ADAMTS19: variants seen among roughly 807,000 people sequenced by gnomAD.
ADAMTS19 encodes ADAM metallopeptidase with thrombospondin type 1 motif 19, also known as A disintegrin and metalloproteinase with thrombospondin motifs 19.
In ADAMTS19, 93 loss-of-function variants were observed where a neutral mutation model predicts 153.3. The ratio of observed to expected loss-of-function variants is 0.61; its 90% CI spans 0.51 to 0.72. ADAMTS19 has a LOEUF of 0.72. Ranked by LOEUF, ADAMTS19 falls within the 30% of genes least tolerant of loss-of-function variation. ADAMTS19 has a pLI of 0.00. For synonymous variants in ADAMTS19, 600 were observed against 556.6 expected (o/e 1.08, Z -1.10); for missense variants, 1,482 against 1,552.1 (o/e 0.95, Z 0.76).
intron 6 of ADAMTS19, among the ~76,000 whole-genome samples, chr5:129,536,497 A>G (rs538572311): frequency 6.6e-6 from 1 of 152,218 alleles, no homozygotes; most frequent in Non-Finnish European, 1.5e-5. Flanking sequence ...TGTGGAAGTC[A>G]GTGTGGCGAT....
intron 7 of ADAMTS19, among the ~76,000 whole-genome samples, chr5:129,560,732 A>ATAT (rs1297083190): frequency 1.3e-5 from 2 of 152,256 alleles, no homozygotes; most frequent in African/African-American, 4.8e-5. Flanking sequence ...ATTTTTATAC[A>ATAT]TACATATGTT....
intron 8 of ADAMTS19, among the ~76,000 whole-genome samples, chr5:129,619,028 A>T (rs577946926): frequency 1.3e-5 from 2 of 152,124 alleles, no homozygotes; most frequent in Non-Finnish European, 2.9e-5. Flanking sequence ...TGTTCACAGA[A>T]TCCTATGTTG....
At chr5:129,589,229 G>C (rs1383429481) in intron 7 of ADAMTS19, among the ~76,000 whole-genome samples, 1 of 151,100 alleles carries the variant, frequency 6.6e-6, no homozygotes, top group Non-Finnish European at 1.5e-5. Context: ...TTTTAATTGA[G>C]AATGTTTATG....
At chr5:129,528,006 A>G (rs1279424545) in intron 5 of ADAMTS19, among the ~76,000 whole-genome samples, 175 bp downstream of exon 5, 1 of 152,006 alleles carries the variant, frequency 6.6e-6, no homozygotes. Context: ...TCTTATTTAA[A>G]AAATAAGATG....
chr5:129,574,899 C>A (rs1432671640), intron 7 of ADAMTS19, among the ~76,000 whole-genome samples: 4 of 151,090 alleles, frequency 2.6e-5, no homozygotes, highest in African/African-American at 9.7e-5. Context: ...TGGCAATTTC[C>A]TCAATGTACA....
At chr5:129,568,362 TG>T (rs36095190) in intron 7 of ADAMTS19, among the ~76,000 whole-genome samples, 116,134 of 151,822 alleles carry the variant, frequency 0.76, 45,902 homozygotes, top group Non-Finnish European at 0.88. Flanking sequence ...CAGTAATACA[TG>T]GGGGGGGATA....
At chr5:129,684,490 C>G (rs1007454613) in intron 18 of ADAMTS19, among the ~76,000 whole-genome samples, 2 of 111,062 alleles carry the variant, frequency 1.8e-5, no homozygotes, top group Non-Finnish European at 4.0e-5. Flanking sequence ...CTCAATATGA[C>G]TACTCTTTGC....
chr5:129,462,338 A>C (rs971529844), intron 2 of ADAMTS19, among the ~76,000 whole-genome samples: 1 of 152,196 alleles, frequency 6.6e-6, no homozygotes, highest in African/African-American at 2.4e-5. Context: ...CTCAACTGAG[A>C]GACTGGAGGT....
intron 19 of ADAMTS19, among the ~76,000 whole-genome samples, chr5:129,697,625 A>C (rs1253121385): frequency 6.6e-6 from 1 of 152,222 alleles, no homozygotes; most frequent in Non-Finnish European, 1.5e-5. Context: ...GATACAGAGT[A>C]GTAATCAGGT....
chr5:129,463,138 C>A (rs144930009), intron 2 of ADAMTS19, among the ~76,000 whole-genome samples: 1 of 152,066 alleles, frequency 6.6e-6, no homozygotes, highest in Non-Finnish European at 1.5e-5. Context: ...CTGGGGAAAA[C>A]ATTTTGTGGA....
intron 2 of ADAMTS19, among the ~76,000 whole-genome samples, chr5:129,468,422 C>T (rs374104235): frequency 5.3e-5 from 8 of 152,104 alleles, no homozygotes; most frequent in African/African-American, 1.7e-4. Context: ...GGCACGATGT[C>T]GGCTCACTGC....
intron 2 of ADAMTS19, among the ~76,000 whole-genome samples, chr5:129,463,368 C>T (rs1395481057): frequency 1.3e-5 from 2 of 152,008 alleles, no homozygotes; most frequent in East Asian, 1.9e-4. Context: ...AGGTTGTGCA[C>T]GTGTACCCTA....
intron 7 of ADAMTS19, among the ~76,000 whole-genome samples, chr5:129,559,662 G>A (rs890645684): frequency 5.9e-5 from 9 of 152,100 alleles, no homozygotes; most frequent in Non-Finnish European, 1.3e-4. Context: ...ACACCTTAGA[G>A]AATCCTATAT....
intron 9 of ADAMTS19, among the ~76,000 whole-genome samples, chr5:129,621,723 A>G (rs1333235571): frequency 2.0e-5 from 3 of 152,204 alleles, no homozygotes; most frequent in African/African-American, 4.8e-5. Flanking sequence ...ACCACTTTAA[A>G]ATATATTACA....
At chr5:129,722,764 A>G (rs1356233192) in intron 21 of ADAMTS19, among the ~76,000 whole-genome samples, 1 of 152,184 alleles carries the variant, frequency 6.6e-6, no homozygotes, top group African/African-American at 2.4e-5. Flanking sequence ...AAGTAATACA[A>G]TTTCAGGAGT....
Position 129,620,604 on chromosome 5 carries a change from A to G in ADAMTS19, c.1479-14A>G. 3.3e-6 allele frequency: 5 copies of G among 1,532,890 alleles called. No individual in the cohort carries two copies. Among genetic ancestry groups the G allele is most frequent in the African/African-American group, 2.8e-5 (2 of 71,758 alleles). 95.0% of individuals were successfully genotyped at this position (1,532,890 alleles called of 1,614,324 possible). On this transcript the variant is annotated splice_polypyrimidine_tract_variant and intron_variant, in intron 8 of 22. Transcript: ENST00000274487. ...TTAGTGTAAATTTTAAAATTTTATT[A>G]TATTCCAAATCAGCATGGGCATTAA... is the stretch of plus-strand genomic sequence containing the variant.
intron 4 of ADAMTS19, 54 bp downstream of exon 4, chr5:129,526,510 A>C: frequency 6.8e-7 from 1 of 1,481,426 alleles, no homozygotes; most frequent in Non-Finnish European, 9.1e-7. Flanking sequence ...TCTAAGGAAG[A>C]CATGTGTGAG....
chr5:129,536,859 T>C (rs1003999038), intron 6 of ADAMTS19, among the ~76,000 whole-genome samples: 1 of 143,600 alleles, frequency 7.0e-6, no homozygotes, highest in Non-Finnish European at 1.5e-5. Flanking sequence ...AATTGAACAA[T>C]GAGAACACAT....
chr5:129,635,691 A>G (rs1752503677), intron 10 of ADAMTS19, among the ~76,000 whole-genome samples: 1 of 152,120 alleles, frequency 6.6e-6, no homozygotes, highest in African/African-American at 2.4e-5. Context: ...TATAAATGAG[A>G]GCTAAATGGA....
Sources: gnomAD v4.1 joint callset for allele counts (sites outside exome capture counted in the v4.1 genomes callset) on GRCh38, gnomAD v4.1.1 for gene constraint, MANE v1.5 for transcripts, NCBI Gene and HGNC (gene_info 2026-07-23, HGNC 2026-07-21) for gene names.